MDGA2: variants seen among roughly 807,000 people sequenced by gnomAD.
The protein encoded by MDGA2 is MAM domain-containing glycosylphosphatidylinositol anchor protein 2.
Under a neutral mutation model 117.8 loss-of-function variants are expected in MDGA2, and 40 were observed. That is an observed-to-expected ratio of 0.34 (90% CI 0.26 to 0.44). MDGA2 has a LOEUF of 0.44. Among genes scored for constraint, MDGA2 ranks in the 20% least tolerant of loss-of-function variants. The pLI is 1.00. For synonymous variants in MDGA2, 452 were observed against 439.0 expected, an observed-to-expected ratio of 1.03 and a Z score of -0.37; for missense variants, 1,123 against 1,250.6, an observed-to-expected ratio of 0.90 and a Z score of 1.54.
At chr14:47,347,705 T>G (rs1183229141) in intron 1 of MDGA2, among the ~76,000 whole-genome samples, 1 of 152,178 alleles carries the variant, frequency 6.6e-6, no homozygotes, top group Non-Finnish European at 1.5e-5. Flanking sequence ...ATCATCAGCA[T>G]ACAGTGGAAA....
intron 1 of MDGA2, among the ~76,000 whole-genome samples, chr14:47,401,167 A>C (rs957788307): frequency 1.3e-5 from 2 of 152,074 alleles, no homozygotes; most frequent in African/African-American, 4.8e-5. Flanking sequence ...ACAACCAAAA[A>C]CAATAATCAC....
At chr14:46,852,070 T>C (rs1237048411) in intron 15 of MDGA2, among the ~76,000 whole-genome samples, 1 of 151,852 alleles carries the variant, frequency 6.6e-6, no homozygotes, top group African/African-American at 2.4e-5. Context: ...TAGAAATATG[T>C]TGGGAAATGA....
chr14:47,102,686 C>G (rs1485688592), intron 5 of MDGA2, among the ~76,000 whole-genome samples: 1 of 152,154 alleles, frequency 6.6e-6, no homozygotes, highest in African/African-American at 2.4e-5. Context: ...GCAAAGCTCT[C>G]TATCTAAAGA....
chr14:47,450,814 T>G (rs1893226633), intron 1 of MDGA2, among the ~76,000 whole-genome samples: 1 of 152,176 alleles, frequency 6.6e-6, no homozygotes, highest in African/African-American at 2.4e-5. Flanking sequence ...TGATTGTGAT[T>G]GGAATTTATA....
intron 1 of MDGA2, among the ~76,000 whole-genome samples, chr14:47,424,095 G>C (rs1007719516): frequency 5.3e-5 from 8 of 152,116 alleles, no homozygotes; most frequent in Non-Finnish European, 1.0e-4. Context: ...TTATAGGCAT[G>C]AGCCACCATG....
At chr14:47,006,256 T>C (rs1305770248) in intron 8 of MDGA2, among the ~76,000 whole-genome samples, 1 of 151,200 alleles carries the variant, frequency 6.6e-6, no homozygotes, top group Non-Finnish European at 1.5e-5. Flanking sequence ...CAATTCATTT[T>C]GTCTCATGTT....
At chr14:47,056,327 G>C (rs1889674910) in intron 7 of MDGA2, among the ~76,000 whole-genome samples, 1 of 152,020 alleles carries the variant, frequency 6.6e-6, no homozygotes, top group African/African-American at 2.4e-5. Context: ...ACAGACACTG[G>C]TTAACTAAAA....
At chr14:46,994,993 T>C (rs1887234663) in intron 8 of MDGA2, among the ~76,000 whole-genome samples, 1 of 152,224 alleles carries the variant, frequency 6.6e-6, no homozygotes, top group Non-Finnish European at 1.5e-5. Context: ...TCAATACCAA[T>C]ATTAAAATAA....
intron 2 of MDGA2, among the ~76,000 whole-genome samples, chr14:47,223,395 T>C (rs1336453371): frequency 1.3e-5 from 2 of 152,218 alleles, no homozygotes; most frequent in East Asian, 1.9e-4. Context: ...TCAGCATTTA[T>C]TTTAATTTAA....
chr14:47,211,016 ATTTAT>A (rs1026897192), intron 3 of MDGA2, among the ~76,000 whole-genome samples: 30 of 152,146 alleles, frequency 2.0e-4, no homozygotes, highest in African/African-American at 6.0e-4. Context: ...GAAAGTTACA[ATTTAT>A]TTATTTTGCA....
intron 3 of MDGA2, among the ~76,000 whole-genome samples, chr14:47,194,406 T>C (rs763871012): frequency 6.6e-6 from 1 of 152,124 alleles, no homozygotes; most frequent in Non-Finnish European, 1.5e-5. Flanking sequence ...CAGTGAAGAA[T>C]TGTAGTAAAT....
chr14:47,168,782 A>C (rs537821023), intron 3 of MDGA2, among the ~76,000 whole-genome samples: 1 of 152,206 alleles, frequency 6.6e-6, no homozygotes, highest in South Asian at 2.1e-4. Context: ...CTGAAATTTC[A>C]CAGCAAAGTA....
intron 2 of MDGA2, among the ~76,000 whole-genome samples, chr14:47,284,009 T>C (rs1313478930): frequency 6.6e-6 from 1 of 152,226 alleles, no homozygotes; most frequent in Non-Finnish European, 1.5e-5. Flanking sequence ...GTCAGCACTT[T>C]GGTAGCCTCT....
Position 47,116,013 on chromosome 14 carries a change from T to C in MDGA2, c.925+15701A>G, listed in dbSNP as rs1399629477. 2.6e-5 allele frequency among the ~76,000 whole-genome samples: 4 copies of C among 152,142 alleles called. No individual in the cohort carries two copies. In the East Asian group the frequency reaches 7.7e-4, roughly 29 times the overall value. On this transcript the variant is annotated intron_variant, in intron 5 of 16. Transcript: ENST00000399232. ...AAACTGTCCCTGTTTGCAGAACATA[T>C]GATCTTATTTATAGTAAGCCCTAAA... is the stretch of plus-strand genomic sequence containing the variant.
chr14:46,871,149 G>C (rs1881979375), intron 14 of MDGA2: 1 of 129,108 alleles, frequency 7.7e-6, no homozygotes, highest in Non-Finnish European at 1.6e-5. Context: ...TGGCAATTAT[G>C]CGATTTGTTT....
intron 1 of MDGA2, among the ~76,000 whole-genome samples, chr14:47,478,971 A>T (rs928671395): frequency 1.3e-5 from 2 of 152,202 alleles, no homozygotes; most frequent in South Asian, 4.1e-4. Context: ...TCAAAAGAAA[A>T]TATCCACAAT....
intron 8 of MDGA2, among the ~76,000 whole-genome samples, chr14:46,966,053 A>C (rs984569178): frequency 2.0e-5 from 3 of 151,288 alleles, no homozygotes; most frequent in African/African-American, 7.3e-5. Context: ...TCTATTTATG[A>C]AACTACCACA....
At chr14:47,370,840 T>G (rs928383428) in intron 1 of MDGA2, among the ~76,000 whole-genome samples, 2 of 151,764 alleles carry the variant, frequency 1.3e-5, no homozygotes, top group African/African-American at 4.8e-5. Context: ...CCATTTTGTT[T>G]AGTTGATACT....
chr14:47,235,766 G>T (rs2139587115), intron 2 of MDGA2, among the ~76,000 whole-genome samples: 1 of 152,210 alleles, frequency 6.6e-6, no homozygotes, highest in Admixed American at 6.5e-5. Context: ...CCTGATGGGA[G>T]AAATAATAAT....
Sources: allele counts gnomAD v4.1 joint callset (sites outside exome capture counted in the v4.1 genomes callset), GRCh38; gene constraint gnomAD v4.1.1; transcripts MANE v1.5; gene names NCBI Gene and HGNC (gene_info 2026-07-23, HGNC 2026-07-21).